The following XKR9 variants were observed in gnomAD, a reference collection of about 807,000 sequenced individuals.
XKR9 encodes XK-related protein 9.
In XKR9, 32 loss-of-function variants were observed where a neutral mutation model predicts 32.0. The ratio of observed to expected loss-of-function variants is 1.00; its 90% CI spans 0.76 to 1.34. The LOEUF is 1.34. XKR9 is among the 40% of genes most tolerant of loss of function. The probability of loss-of-function intolerance (pLI) is 0.00; values close to 1 mark genes in which losing one functional copy is unlikely to be tolerated. For missense variants in XKR9, 546 were observed against 429.7 expected (o/e 1.27, Z -2.39); for synonymous variants, 168 against 143.4 (o/e 1.17, Z -1.22).
intron 2 of XKR9, among the ~76,000 whole-genome samples, chr8:70,749,928 G>A (rs1181108671): frequency 6.6e-6 from 1 of 152,152 alleles, no homozygotes; most frequent in African/African-American, 2.4e-5. Flanking sequence ...TACTGAGACT[G>A]TTAAATACAA....
chr8:70,885,842 C>T, the XKR9 span, among the ~76,000 whole-genome samples: 1 of 152,112 alleles, frequency 6.6e-6, no homozygotes, highest in Non-Finnish European at 1.5e-5. Flanking sequence ...ATGATATGCC[C>T]ACCTTGGCCT....
At chr8:70,740,515 C>G (rs562931556), downstream of XKR9, among the ~76,000 whole-genome samples, 61 of 152,320 alleles carry the variant, frequency 4.0e-4, no homozygotes, top group African/African-American at 1.5e-3. Flanking sequence ...TGGTGAGGAA[C>G]TGCGTTCCTT....
downstream of XKR9, among the ~76,000 whole-genome samples, chr8:70,740,002 T>G (rs1255476150): frequency 6.6e-6 from 1 of 152,196 alleles, no homozygotes; most frequent in Non-Finnish European, 1.5e-5. Context: ...TTCCTGTATG[T>G]GAATGTTGGC....
chr8:70,765,879 CTTGT>C (rs1807368702), intron 2 of XKR9, among the ~76,000 whole-genome samples: 1 of 152,124 alleles, frequency 6.6e-6, no homozygotes. Context: ...TCCCCCATTG[CTTGT>C]TTTTGTCAGG....
At chr8:70,882,761 A>G in the XKR9 span, among the ~76,000 whole-genome samples, 1 of 152,006 alleles carries the variant, frequency 6.6e-6, no homozygotes, top group Admixed American at 6.6e-5. Context: ...GGCCATATTT[A>G]TACTTTATTA....
chr8:70,806,748 C>T, the XKR9 span, among the ~76,000 whole-genome samples: 1 of 151,966 alleles, frequency 6.6e-6, no homozygotes, highest in South Asian at 2.1e-4. Flanking sequence ...AAAAAGACTC[C>T]AAGAAATGAG....
chr8:70,736,455 G>C (rs1272767230), downstream of XKR9, among the ~76,000 whole-genome samples: 1 of 152,152 alleles, frequency 6.6e-6, no homozygotes, highest in African/African-American at 2.4e-5. Context: ...TTGCTGTGCA[G>C]AAGCTCTTTA....
chr8:70,784,255 T>G (rs1807653631), intron 2 of XKR9, among the ~76,000 whole-genome samples: 1 of 152,182 alleles, frequency 6.6e-6, no homozygotes, highest in African/African-American at 2.4e-5. Context: ...CCCTGGAATT[T>G]TGATAGAGAT....
At chr8:70,868,897 A>G in the XKR9 span, among the ~76,000 whole-genome samples, 2 of 152,156 alleles carry the variant, frequency 1.3e-5, no homozygotes, top group East Asian at 1.9e-4. Context: ...CTGCTTAGAA[A>G]TTTATTCTGC....
chr8:71,012,396 GT>G, the XKR9 span, among the ~76,000 whole-genome samples: 3 of 152,152 alleles, frequency 2.0e-5, no homozygotes, highest in African/African-American at 7.2e-5. Flanking sequence ...CTATGGGTGT[GT>G]TTGAGGGTGA....
the XKR9 span, among the ~76,000 whole-genome samples, chr8:71,058,524 A>G: frequency 6.6e-6 from 1 of 152,242 alleles, no homozygotes; most frequent in African/African-American, 2.4e-5. Flanking sequence ...ATCAATTGAC[A>G]GAGAGTGGGA....
At position 70,734,445 on chromosome 8, in the gene XKR9, A is replaced by AT; in HGVS notation, c.*25dup. 6.8e-7 allele frequency: 1 copy of AT among 1,473,888 alleles called. No homozygotes were observed. Among genetic ancestry groups the AT allele is most frequent in the African/African-American group, 1.4e-5 (1 of 70,126 alleles). The allele number at this position is 1,473,888 out of a possible 1,614,324, so 91.3% of individuals were successfully genotyped here. A position where few individuals can be genotyped will look rare whatever the true frequency, so the allele number is the denominator to read the frequency against. ...AATAAGCTATTCATTTATGATATATATTTTCTTATATTTTGTTTCATTGGT... is the reference window on the plus strand; with the variant it reads ...AATAAGCTATTCATTTATGATATATATTTTTCTTATATTTTGTTTCATTGGT... On this transcript the variant is annotated 3_prime_UTR_variant, in exon 5 of 5. Coordinates refer to ENST00000408926, the MANE Select transcript of XKR9 (RefSeq NM_001011720.2).
At position 70,732,083 on chromosome 8, in the gene XKR9, G is replaced by T. The variant is rs1481095246; in HGVS notation, c.494-1713G>T. 4.6e-5 allele frequency among the ~76,000 whole-genome samples: 7 copies of T among 152,084 alleles called. No homozygotes were observed. The South Asian group carries it at 1.0e-3, about 22-fold the overall frequency. On this transcript the variant is annotated intron_variant, in intron 4 of 4. Transcript: ENST00000408926. ...GCTGAACTGAGACAGACACCCCACA[G>T]TGGGGCTATAGACAAACCAAGACCC...
At chr8:70,883,433 T>C in the XKR9 span, among the ~76,000 whole-genome samples, 9 of 152,276 alleles carry the variant, frequency 5.9e-5, no homozygotes, top group South Asian at 4.1e-4. Context: ...TGTGCTGCTA[T>C]AGACTTGTGT....
intron 2 of XKR9, among the ~76,000 whole-genome samples, chr8:70,772,898 G>T (rs1210188670): frequency 6.6e-6 from 1 of 152,134 alleles, no homozygotes; most frequent in Non-Finnish European, 1.5e-5. Context: ...AGTTTTAATG[G>T]CAAGGATAAA....
chr8:70,906,150 C>T, the XKR9 span, among the ~76,000 whole-genome samples: 2 of 152,342 alleles, frequency 1.3e-5, no homozygotes, highest in South Asian at 4.1e-4. Context: ...CTACTCTCTT[C>T]AAAGCTGTCA....
chr8:71,002,121 G>C, the XKR9 span, among the ~76,000 whole-genome samples: 47,729 of 151,072 alleles, frequency 0.32, 8,808 homozygotes, highest in Non-Finnish European at 0.43. Flanking sequence ...TCATGAGGTC[G>C]TAAGAGAAAT....
exon 4 of XKR9, chr8:70,790,104 T>G (rs935069022): frequency 4.6e-5 from 7 of 151,638 alleles, no homozygotes; most frequent in Admixed American, 3.3e-4. Context: ...GGACTCATCT[T>G]AGCCCTGTGA....
the XKR9 span, among the ~76,000 whole-genome samples, chr8:70,860,885 C>A: frequency 6.6e-6 from 1 of 152,108 alleles, no homozygotes; most frequent in South Asian, 2.1e-4. Flanking sequence ...GTAGCGTTAC[C>A]TCTTAGGATT....
Sources: allele counts gnomAD v4.1 joint callset (sites outside exome capture counted in the v4.1 genomes callset), GRCh38; gene constraint gnomAD v4.1.1; transcripts MANE v1.5; gene names NCBI Gene and HGNC (gene_info 2026-07-23, HGNC 2026-07-21).